NUBP1: variants seen among roughly 807,000 people sequenced by gnomAD.
NUBP1 encodes the protein NUBP iron-sulfur cluster assembly factor 1, cytosolic.
NUBP1 carries 46 observed loss-of-function variants against 41.8 expected under a neutral mutation model. The ratio of observed to expected loss-of-function variants is 1.10; its 90% CI spans 0.87 to 1.41. The LOEUF is 1.41. Among genes scored for constraint, NUBP1 ranks in the 40% most tolerant of loss-of-function variants. NUBP1 has a pLI of 0.00. For missense variants in NUBP1, 494 were observed against 414.0 expected, an observed-to-expected ratio of 1.19 and a Z score of -1.68; for synonymous variants, 189 against 154.6, an observed-to-expected ratio of 1.22 and a Z score of -1.65.
chr16:10,746,549 T>C (rs967294067), intron 2 of NUBP1, among the ~76,000 whole-genome samples: 7 of 152,188 alleles, frequency 4.6e-5, no homozygotes, highest in Non-Finnish European at 5.9e-5. Flanking sequence ...GAGACTAGCC[T>C]GGCCAACATA....
chr16:10,758,749 G>A (rs1441336694), intron 7 of NUBP1, among the ~76,000 whole-genome samples: 1 of 152,182 alleles, frequency 6.6e-6, no homozygotes, highest in Non-Finnish European at 1.5e-5. Context: ...AATCTCTCCA[G>A]TTTTCAACAG....
At chr16:10,753,450 T>C (rs1345909070) in intron 4 of NUBP1, among the ~76,000 whole-genome samples, 2 of 151,774 alleles carry the variant, frequency 1.3e-5, no homozygotes, top group East Asian at 3.9e-4. Flanking sequence ...GCAGTCTATG[T>C]AGTTGCTGGC....
intron 2 of NUBP1, among the ~76,000 whole-genome samples, chr16:10,746,542 A>G (rs1367513835): frequency 6.6e-6 from 1 of 152,206 alleles, no homozygotes; most frequent in East Asian, 1.9e-4. Flanking sequence ...GAAGTTCGAG[A>G]CTAGCCTGGC....
chr16:10,753,189 G>A (rs962631080), intron 4 of NUBP1, among the ~76,000 whole-genome samples: 5 of 152,146 alleles, frequency 3.3e-5, no homozygotes, highest in South Asian at 2.1e-4. Flanking sequence ...GGGGAGGGGC[G>A]GGATTGTATA....
At chr16:10,756,640 G>C (rs751448777) in intron 5 of NUBP1, 50 bp from the exon 6 acceptor site, 12 of 1,394,886 alleles carry the variant, frequency 8.6e-6, no homozygotes, top group African/African-American at 3.0e-5. Context: ...GGGCCTCACT[G>C]TGTGGTTTTG....
intron 4 of NUBP1, 65 bp from the exon 5 acceptor site, chr16:10,755,656 G>T: frequency 1.4e-6 from 2 of 1,465,562 alleles, no homozygotes; most frequent in Non-Finnish European, 1.9e-6. Context: ...CAATTTGTCT[G>T]TGCATGAAAT....
At chr16:10,764,683 G>T (rs1335648341) in intron 9 of NUBP1, among the ~76,000 whole-genome samples, 1 of 151,396 alleles carries the variant, frequency 6.6e-6, no homozygotes. Context: ...CAGTCTGCTG[G>T]AGTAGGTCTA....
intron 2 of NUBP1, among the ~76,000 whole-genome samples, chr16:10,744,268 A>G (rs1217967102): frequency 6.6e-6 from 1 of 152,144 alleles, no homozygotes; most frequent in East Asian, 1.9e-4. Context: ...ACTGACAGGA[A>G]CGAGGCCTTT....
intron 2 of NUBP1, 75 bp from the exon 3 acceptor site, chr16:10,747,068 T>A: frequency 6.3e-7 from 1 of 1,580,648 alleles, no homozygotes; most frequent in Non-Finnish European, 8.6e-7. Flanking sequence ...ACTTAGCTCT[T>A]TCTAGTTGAC....
At chr16:10,761,150 A>G in intron 7 of NUBP1, 1 of 457,334 alleles carries the variant, frequency 2.2e-6, no homozygotes, top group Non-Finnish European at 4.0e-6. Context: ...ACCTCCCACC[A>G]GGAACTGCCT....
At chr16:10,755,808 T>C (rs1418826287) in intron 5 of NUBP1, 55 bp downstream of exon 5, 1 of 1,560,072 alleles carries the variant, frequency 6.4e-7, no homozygotes, top group Non-Finnish European at 8.8e-7. Flanking sequence ...TGTGTGTACA[T>C]AATGGGTTTG....
Position 10,759,754 on chromosome 16 carries a change from C to T in NUBP1, c.607-1610C>T, listed in dbSNP as rs892166302. The stretch of plus-strand genomic sequence containing the variant: ...TCGCGCCACTGCACTCCAGCCTGGG[C>T]GACAGAGCAAGACTCTGTCTCAAAA... On this transcript the variant is annotated intron_variant, in intron 7 of 10. Coordinates refer to ENST00000283027, the MANE Select transcript of NUBP1 (RefSeq NM_002484.4). The surrounding 1 kb of genome is among the most constrained non-coding windows in gnomAD (Gnocchi z 4.7). Among the ~76,000 whole-genome samples, 4 of 152,054 alleles carry T rather than the reference C, an allele frequency of 2.6e-5. No homozygotes were observed. Among genetic ancestry groups the T allele is most frequent in the Admixed American group, 6.6e-5 (1 of 15,254 alleles).
chr16:10,768,077 G>T lies in NUBP1; in HGVS notation c.904+45G>T, dbSNP rs1384303649. ...CTAAATGCAGATGCCTGTGGGGCAG[G>T]AAGCAACATAAAGGAGCCAGGGGTG... On this transcript the variant is annotated intron_variant, in intron 10 of 10. Transcript: ENST00000283027. This position sits in a 1 kb window ranked among gnomAD's most constrained non-coding sequence, Gnocchi z 4.3. The T allele has an allele frequency of 6.3e-7, 1 of 1,586,938 alleles. No individual in the cohort carries two copies. Among genetic ancestry groups the T allele is most frequent in the Non-Finnish European group, 8.6e-7 (1 of 1,157,018 alleles).
intron 9 of NUBP1, chr16:10,762,196 A>C (rs1168984148): frequency 4.9e-6 from 1 of 203,846 alleles, no homozygotes; most frequent in Non-Finnish European, 1.0e-5. Flanking sequence ...TCCAGGTTAC[A>C]GAGGAAGGCG....
In NUBP1 at chr16:10,757,936, C is replaced by G; in HGVS notation, c.515C>G (p.Thr172Ser). 6.2e-7 allele frequency: 1 copy of G among 1,614,098 alleles called. No individual in the cohort carries two copies. Among genetic ancestry groups the G allele is most frequent in the Non-Finnish European group, 8.5e-7 (1 of 1,180,012 alleles). Residue 172 changes from threonine (T) to serine (S), a missense_variant, in exon 7 of 11, where the codon ACC (threonine) becomes AGC (serine). Thr to Ser is a moderately conservative substitution (Grantham distance 58, BLOSUM62 1). Transcript: ENST00000283027. The surrounding 1 kb of genome is among the most constrained non-coding windows in gnomAD (Gnocchi z 4.1). ...WGEVDYLIVD[T>S]PPGTSDEHLS... ...GAGGTCGACTACCTCATTGTGGACA[C>G]CCCACCTGGGACGTCGGATGAACAC...
At chr16:10,750,686 G>A (rs925740519) in intron 3 of NUBP1, among the ~76,000 whole-genome samples, 4 of 152,206 alleles carry the variant, frequency 2.6e-5, no homozygotes, top group Admixed American at 1.3e-4. Flanking sequence ...TGATGACCCC[G>A]GAGCAGTTGT....
chr16:10,757,662 C>G lies in NUBP1; in HGVS notation c.452-211C>G, dbSNP rs1216779120. Among the ~76,000 whole-genome samples, 1 of 152,158 alleles carries G rather than the reference C, an allele frequency of 6.6e-6. No individual in the cohort carries two copies. Among genetic ancestry groups the G allele is most frequent in the Non-Finnish European group, 1.5e-5 (1 of 68,024 alleles). On this transcript the variant is annotated intron_variant, in intron 6 of 10. Transcript: ENST00000283027. The surrounding 1 kb of genome is among the most constrained non-coding windows in gnomAD (Gnocchi z 4.1). The stretch of plus-strand genomic sequence containing the variant: ...GCATAGACCAAAGGCACAAAAAGAT[C>G]AGATCATGCTTCTCCGTGAGCTGGG...
At position 10,767,585 on chromosome 16, in the gene NUBP1, C is replaced by A. The variant is rs1235696182; in HGVS notation, c.821-364C>A. On this transcript the variant is annotated intron_variant, in intron 9 of 10. Transcript: ENST00000283027. This position sits in a 1 kb window ranked among gnomAD's most constrained non-coding sequence, Gnocchi z 4.6. ...TCGGACTTGGCCTTTTATGCCATAT[C>A]CTTTTGCATTCTGTACTTTTTTTAA... 2.2e-6 allele frequency: 1 copy of A among 450,990 alleles called. No homozygotes were observed. The highest frequency in any genetic ancestry group is 3.9e-6 in the Non-Finnish European group (1 of 257,564). 27.9% of individuals were successfully genotyped at this position (450,990 alleles called of 1,614,324 possible).
At position 10,766,960 on chromosome 16, in the gene NUBP1, G is replaced by A; in HGVS notation, c.821-989G>A. ...ATTTTCCTGACTCACTGGGCCATAT[G>A]GGCTCCCCATCTCCCACCAACCCCT... On this transcript the variant is annotated intron_variant, in intron 9 of 10. Coordinates refer to ENST00000283027, the MANE Select transcript of NUBP1 (RefSeq NM_002484.4). The surrounding 1 kb of genome is among the most constrained non-coding windows in gnomAD (Gnocchi z 4.8). 1 of 398,676 alleles carries A rather than the reference G, an allele frequency of 2.5e-6. No homozygotes were observed. The highest frequency in any genetic ancestry group is 4.4e-6 in the Non-Finnish European group (1 of 226,134). 24.7% of individuals were successfully genotyped at this position (398,676 alleles called of 1,614,324 possible).
Sources: gnomAD v4.1 joint callset for allele counts (sites outside exome capture counted in the v4.1 genomes callset) on GRCh38, gnomAD v4.1.1 for gene constraint, Gnocchi (gnomAD v3.1) non-coding constraint, MANE v1.5 for transcripts, NCBI Gene and HGNC (gene_info 2026-07-23, HGNC 2026-07-21) for gene names.